C12orf56: variants seen among roughly 807,000 people sequenced by gnomAD.
C12orf56 encodes the protein chromosome 12 open reading frame 56.
C12orf56 carries 71 observed loss-of-function variants against 69.9 expected under a neutral mutation model. The observed-to-expected ratio is 1.02, with a 90% CI of 0.84 to 1.24. C12orf56 has a LOEUF of 1.24. Among genes scored for constraint, C12orf56 ranks in the 50% most tolerant of loss-of-function variants. The pLI is 0.00. For synonymous variants in C12orf56, 276 were observed against 274.1 expected, an observed-to-expected ratio of 1.01 and a Z score of -0.07; for missense variants, 732 against 738.5, an observed-to-expected ratio of 0.99 and a Z score of 0.10.
At chr12:64,311,431 CAG>C (rs1175535237) in intron 5 of C12orf56, among the ~76,000 whole-genome samples, 2 of 149,114 alleles carry the variant, frequency 1.3e-5, no homozygotes, top group African/African-American at 2.5e-5. Context: ...AAAACAAAAA[CAG>C]AAAGAAAAAA....
chr12:64,297,595 C>A (rs2038383867), intron 6 of C12orf56, among the ~76,000 whole-genome samples: 1 of 152,146 alleles, frequency 6.6e-6, no homozygotes, highest in Admixed American at 6.5e-5. Context: ...CATGTGTTCT[C>A]ATTGTTCAAC....
chr12:64,372,554 G>T (rs1222881474), intron 1 of C12orf56, among the ~76,000 whole-genome samples: 22 of 152,116 alleles, frequency 1.4e-4, no homozygotes, highest in Admixed American at 1.4e-3. Context: ...TCGCTCTGTT[G>T]TCCAGGCTGG....
chr12:64,386,379 A>C (rs1338560135), intron 1 of C12orf56, among the ~76,000 whole-genome samples: 2 of 93,916 alleles, frequency 2.1e-5, no homozygotes, highest in East Asian at 4.1e-4. Context: ...ACTGCTGGCT[A>C]ATTTTTATAT....
intron 4 of C12orf56, among the ~76,000 whole-genome samples, chr12:64,316,055 GAGAT>G (rs1384995024): frequency 6.6e-6 from 1 of 151,936 alleles, no homozygotes; most frequent in Admixed American, 6.6e-5. Flanking sequence ...TTTCAAGGAA[GAGAT>G]AGAACATTAT....
At chr12:64,299,384 A>G (rs1010030880) in intron 6 of C12orf56, among the ~76,000 whole-genome samples, 1 of 151,974 alleles carries the variant, frequency 6.6e-6, no homozygotes, top group African/African-American at 2.4e-5. Context: ...TTCTCCATTC[A>G]CTTTGGCCTT....
chr12:64,270,559 C>G lies in C12orf56; in HGVS notation c.1740G>C (p.Arg580Ser). The G allele has an allele frequency of 6.3e-7, 1 of 1,593,216 alleles. No individual in the cohort carries two copies. Among genetic ancestry groups the G allele is most frequent in the Non-Finnish European group, 8.5e-7 (1 of 1,172,824 alleles). The part of the protein sequence containing the change: ...RHSRTLAEYI[R>S]NNYREEFRYF... ...ACCTGAATTCTTCTCTGTAGTTATT[C>G]CTAATATACTCAGCTAGAGTCCTGC... The change falls in exon 12 of 13, where the codon AGG becomes AGC. Residue 580 changes from arginine to serine, a missense_variant. By Grantham distance (110) the Arg-to-Ser change is moderately radical. Coordinates refer to ENST00000543942, the MANE Select transcript of C12orf56 (RefSeq NM_001170633.2).
chr12:64,338,559 C>T (rs568430353), intron 2 of C12orf56: 2 of 1,499,876 alleles, frequency 1.3e-6, no homozygotes, highest in African/African-American at 1.4e-5. Context: ...TTGAGTCTTG[C>T]TTGATTCATC....
Position 64,372,546 on chromosome 12 carries a change from G to A in C12orf56, c.252+17768C>T, listed in dbSNP as rs113094276. 2.7e-4 allele frequency among the ~76,000 whole-genome samples: 41 copies of A among 152,086 alleles called. No homozygotes were observed. In the South Asian group the frequency reaches 3.5e-3, roughly 13 times the overall value. On this transcript the variant is annotated intron_variant, in intron 1 of 12. Transcript: ENST00000543942. The stretch of plus-strand genomic sequence containing the variant: ...TTTCTTTTCCTTGAGACAGAGTCTC[G>A]CTCTGTTGTCCAGGCTGGAGTGCAA...
At chr12:64,344,846 A>G (rs2039119679) in intron 2 of C12orf56, among the ~76,000 whole-genome samples, 1 of 152,114 alleles carries the variant, frequency 6.6e-6, no homozygotes, top group African/African-American at 2.4e-5. Context: ...CATTAAACCA[A>G]GGGAGATGAG....
intron 3 of C12orf56, among the ~76,000 whole-genome samples, chr12:64,327,134 A>G (rs1360873155): frequency 6.6e-6 from 1 of 152,232 alleles, no homozygotes; most frequent in Non-Finnish European, 1.5e-5. Flanking sequence ...GAACGCTCTC[A>G]GCAGATACAA....
chr12:64,318,448 T>C (rs2038717389), intron 4 of C12orf56, 127 bp downstream of exon 4: 2 of 815,204 alleles, frequency 2.5e-6, no homozygotes, highest in South Asian at 3.9e-5. Flanking sequence ...ATTTTGTTTT[T>C]CACAATATTA....
At chr12:64,313,256 T>G in intron 4 of C12orf56, among the ~76,000 whole-genome samples, 1 of 24,402 alleles carries the variant, frequency 4.1e-5, no homozygotes. Flanking sequence ...AGCGAGACTC[T>G]GTCTCAAAAA....
intron 1 of C12orf56, among the ~76,000 whole-genome samples, chr12:64,354,307 G>T (rs2039276534): frequency 6.6e-6 from 1 of 152,120 alleles, no homozygotes; most frequent in Non-Finnish European, 1.5e-5. Context: ...AGGCATAATG[G>T]TGCCCACCTG....
rs531672237 is a variant in C12orf56, at chr12:64,354,469, T to A, written c.253-1413A>T. ...CAAGATCCCATCTCTCTTTTTTTTT[T>A]ATTTTGAGATGGAGTCTTGCTCTTG... On this transcript the variant is annotated intron_variant, in intron 1 of 12. Coordinates refer to ENST00000543942, the MANE Select transcript of C12orf56 (RefSeq NM_001170633.2). 2.6e-5 allele frequency among the ~76,000 whole-genome samples: 4 copies of A among 151,992 alleles called. No homozygotes were observed. The East Asian group carries it at 5.8e-4, about 22-fold the overall frequency.
At position 64,312,699 on chromosome 12, in the gene C12orf56, A is replaced by G; in HGVS notation, c.948T>C (p.Ile316=). The change falls in exon 5 of 13, where the codon ATT becomes ATC. Residue 316 remains isoleucine, a synonymous_variant. Coordinates refer to ENST00000543942, the MANE Select transcript of C12orf56 (RefSeq NM_001170633.2). ...CTTACCTATATGGCTTTTGACTTCC[A>G]ATAGCAGGACTGAACTCACTAGCAT... ...PFYASEFSPA[I]GSQKPYRSEE... The G allele has an allele frequency of 1.3e-6, 2 of 1,536,466 alleles. No individual in the cohort carries two copies. The highest frequency in any genetic ancestry group is 4.9e-5 in the East Asian group (2 of 40,920).
At chr12:64,283,664 T>C (rs2038161308) in intron 8 of C12orf56, among the ~76,000 whole-genome samples, 1 of 152,030 alleles carries the variant, frequency 6.6e-6, no homozygotes, top group Admixed American at 6.6e-5. Flanking sequence ...TTTTTTTCTT[T>C]TTTAACTGGA....
chr12:64,321,119 A>G (rs2038766988), intron 3 of C12orf56, among the ~76,000 whole-genome samples: 1 of 152,236 alleles, frequency 6.6e-6, no homozygotes, highest in Non-Finnish European at 1.5e-5. Context: ...ATTTTAAAAT[A>G]GAAACAATAA....
intron 3 of C12orf56, among the ~76,000 whole-genome samples, chr12:64,319,382 T>C (rs745552027): frequency 1.4e-4 from 22 of 152,090 alleles, no homozygotes; most frequent in Non-Finnish European, 2.8e-4. Context: ...AATAAGGATA[T>C]GAAGAGAGGG....
At chr12:64,284,167 G>A (rs897351509) in intron 8 of C12orf56, among the ~76,000 whole-genome samples, 14 of 152,070 alleles carry the variant, frequency 9.2e-5, no homozygotes, top group Non-Finnish European at 1.6e-4. Context: ...CAAAGTGCTG[G>A]GATTACAGGC....
Sources: gnomAD v4.1 joint callset for allele counts (sites outside exome capture counted in the v4.1 genomes callset) on GRCh38, gnomAD v4.1.1 for gene constraint, MANE v1.5 for transcripts, NCBI Gene and HGNC (gene_info 2026-07-23, HGNC 2026-07-21) for gene names.